TSPEAR: variants seen among roughly 807,000 people sequenced by gnomAD.
The protein encoded by TSPEAR is thrombospondin-type laminin G domain and EAR repeat-containing protein.
Under a neutral mutation model 71.6 loss-of-function variants are expected in TSPEAR, and 69 were observed. That is an observed-to-expected ratio of 0.96 (90% CI 0.79 to 1.18). TSPEAR has a LOEUF of 1.18. Among genes scored for constraint, TSPEAR ranks in the 50% most tolerant of loss-of-function variants. The pLI is 0.00. For missense variants in TSPEAR, 971 were observed against 894.9 expected (o/e 1.09, Z -1.09); for synonymous variants, 402 against 387.2 (o/e 1.04, Z -0.45).
At chr21:44,671,334 C>T (rs1451068292) in intron 1 of TSPEAR, among the ~76,000 whole-genome samples, 1 of 152,264 alleles carries the variant, frequency 6.6e-6, no homozygotes, top group Non-Finnish European at 1.5e-5. Context: ...CCCATCCATG[C>T]ATCCAACCCA....
chr21:44,707,792 C>T (rs1008434599), intron 1 of TSPEAR, among the ~76,000 whole-genome samples: 2 of 152,008 alleles, frequency 1.3e-5, no homozygotes, highest in Non-Finnish European at 1.5e-5. Context: ...CTATAGGTGG[C>T]GGTCATTCAT....
chr21:44,508,770 C>T (rs36046970), intron 10 of TSPEAR: 638 of 1,289,450 alleles, frequency 4.9e-4, no homozygotes, highest in Non-Finnish European at 5.7e-4. Context: ...GAGGATGCAA[C>T]ATCGGGGGAA....
intron 1 of TSPEAR, among the ~76,000 whole-genome samples, chr21:44,644,665 G>GA (rs36091256): frequency 2.0e-5 from 3 of 151,598 alleles, no homozygotes; most frequent in African/African-American, 4.9e-5. Context: ...AAGGAAACAA[G>GA]AAAAAAACAT....
At chr21:44,655,777 C>T (rs1235952425) in intron 1 of TSPEAR, among the ~76,000 whole-genome samples, 1 of 152,164 alleles carries the variant, frequency 6.6e-6, no homozygotes, top group Non-Finnish European at 1.5e-5. Flanking sequence ...ACGGTGGTGT[C>T]ACACGGTGGG....
At chr21:44,534,604 A>G (rs2053056354) in intron 2 of TSPEAR, among the ~76,000 whole-genome samples, 1 of 152,080 alleles carries the variant, frequency 6.6e-6, no homozygotes, top group African/African-American at 2.4e-5. Flanking sequence ...ACCCCCACAC[A>G]CTAGGATGGC....
chr21:44,532,883 T>C (rs1451473733), intron 3 of TSPEAR, among the ~76,000 whole-genome samples: 1 of 152,062 alleles, frequency 6.6e-6, no homozygotes, highest in Non-Finnish European at 1.5e-5. Context: ...TCATTTGGAG[T>C]TTCTGTCAAC....
At position 44,559,727 on chromosome 21, in the gene TSPEAR, C is replaced by T. The variant is rs187849967; in HGVS notation, c.303+8058G>A. On this transcript the variant is annotated intron_variant, in intron 2 of 11. Coordinates refer to ENST00000323084, the MANE Select transcript of TSPEAR (RefSeq NM_144991.3). Reference sequence around the variant, plus strand: ...ATCAGCCCATGCCTGTGCCCGGGACCATACCTGTGCGCTAGTAAGCCCCCA... The same window carrying T: ...ATCAGCCCATGCCTGTGCCCGGGACTATACCTGTGCGCTAGTAAGCCCCCA... 2.0e-5 allele frequency among the ~76,000 whole-genome samples: 3 copies of T among 152,328 alleles called. No homozygotes were observed. In the East Asian group the frequency reaches 5.8e-4, roughly 29 times the overall value.
intron 11 of TSPEAR, among the ~76,000 whole-genome samples, chr21:44,501,391 C>T (rs1022104890): frequency 2.0e-5 from 3 of 152,134 alleles, no homozygotes; most frequent in Non-Finnish European, 2.9e-5. Flanking sequence ...GTCAGGAGAT[C>T]GAGACCATCC....
At chr21:44,557,962 AG>A in intron 2 of TSPEAR, 1 of 1,460,356 alleles carries the variant, frequency 6.8e-7, no homozygotes, top group African/African-American at 1.4e-5. Flanking sequence ...CTATGGGCAG[AG>A]GAGACTCAGA....
chr21:44,697,713 C>G (rs1987438074), intron 1 of TSPEAR: 7 of 1,613,264 alleles, frequency 4.3e-6, no homozygotes, highest in East Asian at 2.2e-5. Flanking sequence ...GGGGCCTCCT[C>G]TCTGTGCTGC....
chr21:44,568,531 G>A (rs1233831004), intron 1 of TSPEAR, among the ~76,000 whole-genome samples: 1 of 152,232 alleles, frequency 6.6e-6, no homozygotes, highest in Non-Finnish European at 1.5e-5. Context: ...GGCGTGCCAG[G>A]GGAGTGGATA....
At chr21:44,582,181 G>A (rs903558557) in intron 1 of TSPEAR, among the ~76,000 whole-genome samples, 6 of 152,222 alleles carry the variant, frequency 3.9e-5, no homozygotes, top group African/African-American at 1.4e-4. Context: ...CGGCGCAGGT[G>A]CGGTCTCCAC....
chr21:44,626,787 C>T (rs1481276545), intron 1 of TSPEAR, among the ~76,000 whole-genome samples: 1 of 152,058 alleles, frequency 6.6e-6, no homozygotes, highest in Non-Finnish European at 1.5e-5. Context: ...TGGACGATGC[C>T]CCAGCAACCA....
intron 1 of TSPEAR, among the ~76,000 whole-genome samples, chr21:44,603,999 C>G (rs587670409): frequency 3.9e-5 from 6 of 152,230 alleles, no homozygotes. Context: ...CTCCTGGGCA[C>G]GTGGGCTGGC....
intron 9 of TSPEAR, 33 bp from the exon 10 acceptor site, chr21:44,509,419 G>C: frequency 6.3e-7 from 1 of 1,583,530 alleles, no homozygotes; most frequent in Non-Finnish European, 8.6e-7. Context: ...GCAGAGGTGT[G>C]GGGGAGCGGG....
intron 1 of TSPEAR, among the ~76,000 whole-genome samples, chr21:44,575,848 T>C (rs953630405): frequency 2.0e-5 from 3 of 152,152 alleles, no homozygotes; most frequent in Admixed American, 6.5e-5. Context: ...TTCCACCCTG[T>C]GTGAGCAGAA....
Position 44,501,504 on chromosome 21 carries a change from A to G in TSPEAR, c.1857-1568T>C, listed in dbSNP as rs192041361. Among the ~76,000 whole-genome samples the G allele has an allele frequency of 4.0e-3, 607 of 152,298 alleles. 5 individuals carry two copies. Among genetic ancestry groups the G allele is most frequent in the African/African-American group, 0.014 (573 of 41,568 alleles). On this transcript the variant is annotated intron_variant, in intron 11 of 11. Transcript: ENST00000323084. ...CCCAGCTACTCAGGAGGCTGAAGCA[A>G]GAGAATGGCGTGAACCCAGGAGGCG... is the stretch of plus-strand genomic sequence containing the variant.
chr21:44,605,699 G>A (rs887723402), intron 1 of TSPEAR, among the ~76,000 whole-genome samples: 1 of 152,174 alleles, frequency 6.6e-6, no homozygotes, highest in East Asian at 1.9e-4. Context: ...CAAATGATGG[G>A]AAAAGGACAG....
chr21:44,507,769 T>C (rs184485005), intron 10 of TSPEAR, among the ~76,000 whole-genome samples: 132 of 152,366 alleles, frequency 8.7e-4, no homozygotes, highest in African/African-American at 2.8e-3. Flanking sequence ...GCCTAATGTT[T>C]GTTTTGTTCT....
Sources: gnomAD v4.1 joint callset for allele counts (sites outside exome capture counted in the v4.1 genomes callset) on GRCh38, gnomAD v4.1.1 for gene constraint, MANE v1.5 for transcripts, NCBI Gene and HGNC (gene_info 2026-07-23, HGNC 2026-07-21) for gene names.